U2SURP: variants seen among roughly 807,000 people sequenced by gnomAD.
U2SURP encodes the protein U2 snRNP associated SURP domain containing, also known as U2 snRNP-associated SURP motif-containing protein.
A neutral mutation model predicts 144.9 loss-of-function variants in U2SURP; 9 were observed. That is an observed-to-expected ratio of 0.06 (90% CI 0.04 to 0.11). U2SURP has a LOEUF of 0.11. Ranked by LOEUF, U2SURP falls within the 10% of genes least tolerant of loss-of-function variation. The probability of loss-of-function intolerance (pLI) is 1.00; values close to 1 mark genes in which losing one functional copy is unlikely to be tolerated. For missense variants in U2SURP, 724 were observed against 1,226.7 expected (o/e 0.59, Z 6.12); for synonymous variants, 408 against 396.8 (o/e 1.03, Z -0.33).
intron 16 of U2SURP, among the ~76,000 whole-genome samples, chr3:143,030,797 G>A (rs555932557): frequency 2.6e-5 from 4 of 152,244 alleles, no homozygotes; most frequent in African/African-American, 7.2e-5. Flanking sequence ...TGTAATCCCA[G>A]CACTATGGGA....
chr3:143,023,195 A>T (rs761244806), intron 12 of U2SURP, 131 bp downstream of exon 12: 236 of 755,872 alleles, frequency 3.1e-4, no homozygotes, highest in Non-Finnish European at 4.2e-4. Context: ...AAATAAGTAG[A>T]TGTGTTCCCT....
chr3:143,004,628 C>G (rs531183606), intron 1 of U2SURP, among the ~76,000 whole-genome samples: 2 of 147,520 alleles, frequency 1.4e-5, no homozygotes, highest in East Asian at 4.0e-4. Context: ...CGTGAGCCAC[C>G]GTGCCTGGCT....
Position 143,027,158 on chromosome 3 carries a change from C to T in U2SURP, c.1284C>T (p.Leu428=), listed in dbSNP as rs769065689. ...KVVIPTERNL[L]ALIHRMIEFV... is the part of the protein sequence containing the mutation. The stretch of plus-strand genomic sequence containing the variant: ...TGTGTTGTTGTTGTAGGAATTTGCT[C>T]GCCCTGATACATCGAATGATAGAGT... Residue 428 remains leucine (L), a synonymous_variant, in exon 14 of 28, where the codon CTC becomes CTT. Coordinates refer to ENST00000473835, the MANE Select transcript of U2SURP (RefSeq NM_001080415.2). 2.0e-5 allele frequency: 33 copies of T among 1,612,050 alleles called. No homozygotes were observed. In the South Asian group the frequency reaches 2.4e-4, roughly 12 times the overall value.
At chr3:143,015,282 C>G (rs1365468959) in intron 4 of U2SURP, among the ~76,000 whole-genome samples, 2 of 152,002 alleles carry the variant, frequency 1.3e-5, no homozygotes, top group South Asian at 4.1e-4. Context: ...CCATTTTTTT[C>G]TATAAGTTAT....
At chr3:143,010,190 A>C (rs1936050676) in intron 1 of U2SURP, among the ~76,000 whole-genome samples, 1 of 152,218 alleles carries the variant, frequency 6.6e-6, no homozygotes, top group South Asian at 2.1e-4. Flanking sequence ...CACTTAAGAA[A>C]AGTTGAAGTT....
Position 143,054,930 on chromosome 3 carries a change from C to A in U2SURP, c.2775-13C>A, listed in dbSNP as rs1935066899. 1 of 1,577,034 alleles carries A rather than the reference C, an allele frequency of 6.3e-7. No homozygotes were observed. The highest frequency in any genetic ancestry group is 2.0e-5 in the Admixed American group (1 of 49,410). On this transcript the variant is annotated splice_polypyrimidine_tract_variant and intron_variant, in intron 26 of 27. Coordinates refer to ENST00000473835, the MANE Select transcript of U2SURP (RefSeq NM_001080415.2). ...GCTCATTTATGGAATGTTTTGGGGG[C>A]TTTGTTCCATAGGAAGAGGCGACAC...
At chr3:143,048,946 GT>G (rs1934690436) in intron 24 of U2SURP, among the ~76,000 whole-genome samples, 2 of 151,878 alleles carry the variant, frequency 1.3e-5, no homozygotes, top group Non-Finnish European at 2.9e-5. Flanking sequence ...CATTCATGAA[GT>G]CAAAAATAGT....
chr3:143,021,607 A>G (rs921598874), intron 10 of U2SURP, 52 bp downstream of exon 10: 1 of 1,529,496 alleles, frequency 6.5e-7, no homozygotes, highest in African/African-American at 1.4e-5. Flanking sequence ...CTTTTGGAAG[A>G]AAGCTTTGTT....
intron 24 of U2SURP, among the ~76,000 whole-genome samples, chr3:143,049,575 A>G (rs1291752985): frequency 6.6e-6 from 1 of 152,136 alleles, no homozygotes; most frequent in East Asian, 1.9e-4. Flanking sequence ...GCTTTCTACC[A>G]CTTGGAGGAT....
chr3:143,010,994 A>G (rs1456205137), intron 2 of U2SURP, 135 bp downstream of exon 2: 9 of 608,262 alleles, frequency 1.5e-5, no homozygotes, highest in South Asian at 3.1e-5. Context: ...TTTTTTTTCT[A>G]GGCGCCTTCC....
chr3:143,025,155 T>C (rs1223571085), intron 13 of U2SURP, among the ~76,000 whole-genome samples: 1 of 152,188 alleles, frequency 6.6e-6, no homozygotes, highest in Non-Finnish European at 1.5e-5. Context: ...TTATAAACTT[T>C]TAATTTTCTA....
chr3:143,012,512 C>T (rs1452359195), intron 3 of U2SURP, 159 bp downstream of exon 3: 2 of 590,508 alleles, frequency 3.4e-6, no homozygotes, highest in South Asian at 1.2e-4. Context: ...ACAGTAAACT[C>T]ATTTATGTAG....
chr3:143,010,420 A>G (rs768702196), intron 1 of U2SURP, among the ~76,000 whole-genome samples: 2 of 152,198 alleles, frequency 1.3e-5, no homozygotes, highest in African/African-American at 2.4e-5. Context: ...TGATTAGAGA[A>G]AGAGAGTTCT....
At chr3:143,038,432 A>G (rs559829749) in intron 22 of U2SURP, among the ~76,000 whole-genome samples, 1 of 152,130 alleles carries the variant, frequency 6.6e-6, no homozygotes, top group Non-Finnish European at 1.5e-5. Context: ...TATCACTGAA[A>G]ACCTTTCAGG....
rs1192772345 is a variant in U2SURP, at chr3:143,004,379, T to G, written c.45+2706T>G. Among the ~76,000 whole-genome samples the G allele has an allele frequency of 2.7e-5, 3 of 110,116 alleles. No individual in the cohort carries two copies. The Admixed American group carries it at 2.8e-4, about 10-fold the overall frequency. The allele number at this position is 110,116 out of a possible 152,430, so 72.2% of individuals were successfully genotyped here. On this transcript the variant is annotated intron_variant, in intron 1 of 27. Transcript: ENST00000473835. ...TTTTTTTTTTTTTTTTTTTTTTTTT[T>G]TTGAGAGGGAGTCTTGCCTTGTCGC...
Position 143,058,173 on chromosome 3 carries a change from T to G in U2SURP, c.*1723T>G, listed in dbSNP as rs952903176. On this transcript the variant is annotated 3_prime_UTR_variant, in exon 28 of 28. Transcript: ENST00000473835. ...CATTGCCTGGGAGAATGGAATTTTA[T>G]ATAACTACCTTTCTTTGCAAAAATA... is the stretch of plus-strand genomic sequence containing the variant. The G allele has an allele frequency of 1.3e-5, 2 of 152,370 alleles. No homozygotes were observed. Among genetic ancestry groups the G allele is most frequent in the Non-Finnish European group, 2.9e-5 (2 of 67,832 alleles). 9.4% of individuals were successfully genotyped at this position (152,370 alleles called of 1,614,324 possible). A position where few individuals can be genotyped will look rare whatever the true frequency, so the allele number is the denominator to read the frequency against.
Position 143,056,592 on chromosome 3 carries a change from A to G in U2SURP, c.*142A>G, listed in dbSNP as rs903212365. 2.5e-5 allele frequency: 21 copies of G among 852,540 alleles called. No homozygotes were observed. The highest frequency in any genetic ancestry group is 3.2e-5 in the Non-Finnish European group (18 of 563,944). The allele number at this position is 852,540 out of a possible 1,614,324, so 52.8% of individuals were successfully genotyped here. Reference sequence around the variant, plus strand: ...TGTTTGTGTATGCATGTGTAAACTCATGAGCAACTGCATCTGTAGATCTGT... The same window carrying G: ...TGTTTGTGTATGCATGTGTAAACTCGTGAGCAACTGCATCTGTAGATCTGT... On this transcript the variant is annotated 3_prime_UTR_variant, in exon 28 of 28. Coordinates refer to ENST00000473835, the MANE Select transcript of U2SURP (RefSeq NM_001080415.2).
intron 25 of U2SURP, among the ~76,000 whole-genome samples, chr3:143,053,358 G>A (rs1477620544): frequency 6.6e-6 from 1 of 152,078 alleles, no homozygotes; most frequent in Non-Finnish European, 1.5e-5. Context: ...TCTAGAATGA[G>A]GATAATAGTA....
intron 1 of U2SURP, among the ~76,000 whole-genome samples, chr3:143,008,152 A>T (rs1446164640): frequency 2.0e-4 from 30 of 152,242 alleles, no homozygotes; most frequent in Non-Finnish European, 1.5e-5. Context: ...GAAAGCTGAC[A>T]AAATTGTTAC....
Sources: allele counts gnomAD v4.1 joint callset (sites outside exome capture counted in the v4.1 genomes callset), GRCh38; gene constraint gnomAD v4.1.1; transcripts MANE v1.5; gene names NCBI Gene and HGNC (gene_info 2026-07-23, HGNC 2026-07-21).